ABR: variants seen among roughly 807,000 people sequenced by gnomAD.
ABR encodes ABR activator of RhoGEF and GTPase.
A neutral mutation model predicts 107.2 loss-of-function variants in ABR; 35 were observed. That is an observed-to-expected ratio of 0.33 (90% confidence interval 0.25 to 0.43). The LOEUF (loss-of-function observed/expected upper bound fraction) is 0.43, where lower values mean the gene tolerates loss of function less well. Among genes scored for constraint, ABR ranks in the 20% least tolerant of loss-of-function variants. The pLI, the probability that ABR is intolerant of heterozygous loss-of-function variation, is 1.00. For missense variants in ABR, 815 were observed against 1,115.2 expected (o/e 0.73, Z 3.83); for synonymous variants, 498 against 462.0 (o/e 1.08, Z -1.00).
rs35755968 is a variant in ABR, at chr17:1,207,092, C to CAA, written c.838+21699_838+21700dup. Among the ~76,000 whole-genome samples the CAA allele has an allele frequency of 2.5e-3, 241 of 98,082 alleles. 1 individual carries two copies. Among genetic ancestry groups the CAA allele is most frequent in the Admixed American group, 5.2e-3 (60 of 11,558 alleles). 64.3% of individuals were successfully genotyped at this position (98,082 alleles called of 152,430 possible). On this transcript the variant is annotated intron_variant, in intron 1 of 22. Transcript: ENST00000574139. ...GAGTGAGACTCCATCTCAAAACAAACAAAAAAAAAAGCCAGGCATTGTGGT... is the reference window on the plus strand; with the variant it reads ...GAGTGAGACTCCATCTCAAAACAAACAAAAAAAAAAAAGCCAGGCATTGTGGT...
chr17:1,097,878 T>G (rs2037579617), intron 3 of ABR, among the ~76,000 whole-genome samples: 1 of 152,114 alleles, frequency 6.6e-6, no homozygotes, highest in African/African-American at 2.4e-5. Flanking sequence ...GTTGTCTCTT[T>G]GCCTGTCCTC....
intron 2 of ABR, chr17:1,115,162 A>C (rs1445768205): frequency 2.0e-5 from 3 of 152,286 alleles, no homozygotes; most frequent in African/African-American, 7.2e-5. Context: ...TTCATCCTGC[A>C]TCCCTCCTGC....
At chr17:1,091,258 C>T (rs1597766553) in intron 4 of ABR, among the ~76,000 whole-genome samples, 1 of 152,212 alleles carries the variant, frequency 6.6e-6, no homozygotes, top group South Asian at 2.1e-4. Flanking sequence ...GCCTTCATTC[C>T]AGGGCTGGTT....
At chr17:1,203,596 G>C (rs1485284866) in intron 1 of ABR, among the ~76,000 whole-genome samples, 1 of 150,032 alleles carries the variant, frequency 6.7e-6, no homozygotes, top group Admixed American at 6.6e-5. Context: ...TAATCCAGTC[G>C]GGAACCCCTG....
rs979629021 is a variant in ABR at position 1,051,692 on chromosome 17, C to T, written c.1562-1058G>A. 3.3e-5 allele frequency among the ~76,000 whole-genome samples: 5 copies of T among 152,178 alleles called. No individual in the cohort carries two copies. The highest frequency in any genetic ancestry group is 1.2e-4 in the African/African-American group (5 of 41,428). ...GCCAACCCTCTGCAGCGTGAAACAA[C>T]GTCAGAGGTCACAGTGCGGGCATAC... On this transcript the variant is annotated intron_variant, in intron 14 of 22. Coordinates refer to ENST00000302538, the MANE Select transcript of ABR (RefSeq NM_021962.5). The surrounding 1 kb of genome is among the most constrained non-coding windows in gnomAD (Gnocchi z 4.3).
At chr17:1,135,257 C>T (rs1186551152) in intron 1 of ABR, among the ~76,000 whole-genome samples, 2 of 152,138 alleles carry the variant, frequency 1.3e-5, no homozygotes, top group African/African-American at 4.8e-5. Context: ...TGAGCTGAGC[C>T]GAGAGCCGTG....
chr17:1,123,612 C>T (rs529865607), intron 2 of ABR, among the ~76,000 whole-genome samples: 54 of 152,302 alleles, frequency 3.5e-4, no homozygotes, highest in Middle Eastern at 6.8e-3. Context: ...GGACAGGCAG[C>T]GGCAAAGACC....
intron 6 of ABR, among the ~76,000 whole-genome samples, chr17:1,075,089 A>G (rs956449913): frequency 3.9e-5 from 6 of 152,262 alleles, no homozygotes; most frequent in Non-Finnish European, 8.8e-5. Flanking sequence ...CAGGCCCCCA[A>G]GAGCCACACC....
At position 1,125,208 on chromosome 17, in the gene ABR, G is replaced by A; in HGVS notation, c.221C>T (p.Thr74Ile). The A allele has an allele frequency of 6.2e-7, 1 of 1,602,132 alleles. No homozygotes were observed. The highest frequency in any genetic ancestry group is 8.5e-7 in the Non-Finnish European group (1 of 1,172,908). ...SQGGGDGVSP[T>I]PPEGLAPGVE... is the part of the protein sequence containing the mutation. The stretch of plus-strand genomic sequence containing the variant: ...CCCAGGAGCCAGTCCCTCAGGTGGA[G>A]TCGGGGAGACGCCATCCCCCCCGCC... Residue 74 changes from threonine (T) to isoleucine (I), a missense_variant, in exon 2 of 23, where the codon ACT becomes ATT. By Grantham distance (89) the Thr-to-Ile change is moderately conservative. Coordinates refer to ENST00000302538, the MANE Select transcript of ABR (RefSeq NM_021962.5).
intron 16 of ABR, among the ~76,000 whole-genome samples, chr17:1,014,368 G>T (rs2070955299): frequency 7.4e-6 from 1 of 134,710 alleles, no homozygotes; most frequent in Admixed American, 7.6e-5. Context: ...GTGAACCCGG[G>T]AGGCAGAGCT....
intron 1 of ABR, among the ~76,000 whole-genome samples, chr17:1,161,101 C>T (rs2041273976): frequency 6.6e-6 from 1 of 151,816 alleles, no homozygotes; most frequent in Non-Finnish European, 1.5e-5. Flanking sequence ...GTCTCATCTC[C>T]TTCCCAGCAC....
chr17:1,109,068 T>C (rs2038471755), intron 2 of ABR: 2 of 1,488,542 alleles, frequency 1.3e-6, no homozygotes, highest in Non-Finnish European at 1.8e-6. Flanking sequence ...TCCTCCTCCA[T>C]GGCAGCCGGA....
At position 1,011,632 on chromosome 17, in the gene ABR, C is replaced by G. The variant is rs139729854; in HGVS notation, c.2101+214G>C. On this transcript the variant is annotated intron_variant, in intron 19 of 22. Transcript: ENST00000302538. This position sits in a 1 kb window ranked among gnomAD's most constrained non-coding sequence, Gnocchi z 4.8. The stretch of plus-strand genomic sequence containing the variant: ...GTTGGGTCATCCTGGGCAAGTGAGT[C>G]GGCCCTTGTGAGTTTCTGCAGTTGC... 5 of 468,916 alleles carry G rather than the reference C, an allele frequency of 1.1e-5. No homozygotes were observed. Among genetic ancestry groups the G allele is most frequent in the African/African-American group, 9.9e-5 (5 of 50,376 alleles). 29.0% of individuals were successfully genotyped at this position (468,916 alleles called of 1,614,324 possible). A position where few individuals can be genotyped will look rare whatever the true frequency, so the allele number is the denominator to read the frequency against.
rs900171954 is a variant in ABR at position 1,006,062 on chromosome 17, C to T, written c.*18G>A. On this transcript the variant is annotated 3_prime_UTR_variant, in exon 23 of 23. Transcript: ENST00000302538. ...AGGGGCTGGTTCCACCACCCGCCCG[C>T]AGCCACCCTGCCTCGGGCTACACGT... The T allele has an allele frequency of 3.9e-6, 6 of 1,552,582 alleles. No individual in the cohort carries two copies. In the African/African-American group the frequency reaches 5.5e-5, roughly 14 times the overall value.
rs1243487478 is a variant in ABR at position 1,003,630 on chromosome 17, AAAT to A, written c.*2447_*2449del. On this transcript the variant is annotated 3_prime_UTR_variant, in exon 23 of 23. Transcript: ENST00000302538. The stretch of plus-strand genomic sequence containing the variant: ...AAGTTGAAACAGAACATAGACAAAA[AAAT>A]ATATCCTTACCAACTTATTAAAGTC... 2.6e-5 allele frequency: 4 copies of A among 152,580 alleles called. No homozygotes were observed. The highest frequency in any genetic ancestry group is 9.6e-5 in the African/African-American group (4 of 41,468). 9.5% of individuals were successfully genotyped at this position (152,580 alleles called of 1,614,324 possible).
In ABR at chr17:1,023,732, A is replaced by G. The variant is rs937993518; in HGVS notation, c.1792-10568T>C. On this transcript the variant is annotated intron_variant, in intron 16 of 22. Coordinates refer to ENST00000302538, the MANE Select transcript of ABR (RefSeq NM_021962.5). The stretch of plus-strand genomic sequence containing the variant: ...CGAGCTGGACCTGGAGTGGTTAAGA[A>G]ACATTAACAGGGCTGGGCGCGGTGG... Among the ~76,000 whole-genome samples the G allele has an allele frequency of 2.0e-5, 3 of 152,146 alleles. No homozygotes were observed. In the East Asian group the frequency reaches 5.8e-4, roughly 29 times the overall value.
chr17:1,138,564 A>G (rs2040171265), intron 1 of ABR, among the ~76,000 whole-genome samples: 1 of 151,900 alleles, frequency 6.6e-6, no homozygotes, highest in African/African-American at 2.4e-5. Context: ...TGCAGCCTCA[A>G]ACTCCTGGGC....
chr17:1,108,792 G>T (rs986656774), intron 2 of ABR: 21 of 1,079,090 alleles, frequency 1.9e-5, no homozygotes, highest in African/African-American at 1.1e-4. Context: ...TCTCCCCCGG[G>T]AACAGCTGCC....
chr17:1,196,411 C>A (rs535241724), intron 1 of ABR, among the ~76,000 whole-genome samples: 1 of 152,208 alleles, frequency 6.6e-6, no homozygotes, highest in African/African-American at 2.4e-5. Context: ...GCCTGGGTGA[C>A]AAGAGTGAAA....
Sources: gnomAD v4.1 joint callset for allele counts (sites outside exome capture counted in the v4.1 genomes callset) on GRCh38, gnomAD v4.1.1 for gene constraint, Gnocchi (gnomAD v3.1) non-coding constraint, MANE v1.5 for transcripts, NCBI Gene and HGNC (gene_info 2026-07-23, HGNC 2026-07-21) for gene names.